The following POU6F2 variants were observed in gnomAD, a reference collection of about 807,000 sequenced individuals.
POU6F2 encodes POU domain, class 6, transcription factor 2.
In POU6F2, 31 loss-of-function variants were observed where a neutral mutation model predicts 71.3. The observed-to-expected ratio is 0.43, with a 90% CI of 0.33 to 0.59. The LOEUF (loss-of-function observed/expected upper bound fraction) is 0.59, where lower values mean the gene tolerates loss of function less well. Among genes scored for constraint, POU6F2 ranks in the 20% least tolerant of loss-of-function variants. The pLI is 0.04. For missense variants in POU6F2, 783 were observed against 856.8 expected, an observed-to-expected ratio of 0.91 and a Z score of 1.07; for synonymous variants, 347 against 355.7, an observed-to-expected ratio of 0.98 and a Z score of 0.27.
At chr7:39,401,590 C>G (rs1195124516) in intron 5 of POU6F2, among the ~76,000 whole-genome samples, 4 of 152,088 alleles carry the variant, frequency 2.6e-5, no homozygotes, top group African/African-American at 9.7e-5. Flanking sequence ...CCCAAGGAAC[C>G]AAGAGACACT....
At chr7:39,029,649 G>C (rs2128708808) in intron 1 of POU6F2, among the ~76,000 whole-genome samples, 1 of 151,196 alleles carries the variant, frequency 6.6e-6, no homozygotes, top group East Asian at 2.0e-4. Context: ...TAAAAAGAAA[G>C]AACAATTATG....
rs1444464689 is a variant in POU6F2 at position 39,468,091 on chromosome 7, G to A, written c.*3405G>A. 6.6e-6 allele frequency: 1 copy of A among 151,940 alleles called. No individual in the cohort carries two copies. The highest frequency in any genetic ancestry group is 1.5e-5 in the Non-Finnish European group (1 of 68,004). 9.4% of individuals were successfully genotyped at this position (151,940 alleles called of 1,614,324 possible). On this transcript the variant is annotated 3_prime_UTR_variant, in exon 10 of 10. Coordinates refer to ENST00000518318, the MANE Select transcript of POU6F2 (RefSeq NM_001370959.1). ...ATTTCAATGTTTGACTGTAAAATCTGTTTGGATAACATTTTGTAATGAGCT... is the reference window on the plus strand; with the variant it reads ...ATTTCAATGTTTGACTGTAAAATCTATTTGGATAACATTTTGTAATGAGCT...
intron 4 of POU6F2, among the ~76,000 whole-genome samples, chr7:39,230,218 G>A (rs1036753349): frequency 6.6e-6 from 1 of 152,166 alleles, no homozygotes; most frequent in Non-Finnish European, 1.5e-5. Flanking sequence ...GGTGGCTCAT[G>A]CCTGTAATCC....
In POU6F2 at chr7:39,015,843, T is replaced by TAGA. The variant is rs1315044289; in HGVS notation, c.105+37785_105+37786insAGA. 8.3e-5 allele frequency among the ~76,000 whole-genome samples: 5 copies of TAGA among 60,096 alleles called. No homozygotes were observed. The East Asian group carries it at 1.4e-3, about 17-fold the overall frequency. 39.4% of individuals were successfully genotyped at this position (60,096 alleles called of 152,430 possible). A position where few individuals can be genotyped will look rare whatever the true frequency, so the allele number is the denominator to read the frequency against. On this transcript the variant is annotated intron_variant, in intron 1 of 9. Transcript: ENST00000518318. ...ATATTATATATAGATATATAATATA[T>TAGA]TATATATAGATATATATAATATATT...
Position 39,465,432 on chromosome 7 carries a change from G to A in POU6F2, c.*746G>A, listed in dbSNP as rs1789048692. 1.3e-5 allele frequency: 2 copies of A among 152,084 alleles called. No homozygotes were observed. The highest frequency in any genetic ancestry group is 4.2e-4 in the South Asian group (2 of 4,818). The allele number at this position is 152,084 out of a possible 1,614,324, so 9.4% of individuals were successfully genotyped here. On this transcript the variant is annotated 3_prime_UTR_variant, in exon 10 of 10. Transcript: ENST00000518318. ...TTTTTGTGGGGGTGGTAGGGAGGGT[G>A]GTCTTTTTTCTTTGTCTTTCTTTTT...
intron 1 of POU6F2, among the ~76,000 whole-genome samples, chr7:38,989,383 C>G (rs545455312): frequency 6.6e-6 from 1 of 151,804 alleles, no homozygotes; most frequent in African/African-American, 2.4e-5. Flanking sequence ...TAAAACTATT[C>G]TTTTATTAAA....
At chr7:39,165,712 T>C (rs1793100454) in intron 2 of POU6F2, among the ~76,000 whole-genome samples, 1 of 152,184 alleles carries the variant, frequency 6.6e-6, no homozygotes. Flanking sequence ...AGTCAAGCTC[T>C]TGATGGAGGA....
chr7:39,153,339 T>C (rs961980898), intron 2 of POU6F2, among the ~76,000 whole-genome samples: 1 of 152,306 alleles, frequency 6.6e-6, no homozygotes, highest in East Asian at 1.9e-4. Context: ...CAAGCTGGGA[T>C]TGATGTGACA....
intron 1 of POU6F2, among the ~76,000 whole-genome samples, chr7:39,047,644 CA>C (rs201005665): frequency 1.5e-4 from 22 of 151,536 alleles, no homozygotes; most frequent in African/African-American, 4.1e-4. Flanking sequence ...CATCTGCAAA[CA>C]AAAAAAATTG....
chr7:39,406,643 C>T lies in POU6F2; in HGVS notation c.1016C>T (p.Ala339Val). ...GCAAGTCAGGCTGCAGCGGCTGCAG[C>T]AGCCATGAGCTCCATAGCAAGCTCA... Reference protein sequence around the residue: ...PLASQAAAAAAAMSSIASSQA... With the variant: ...PLASQAAAAAVAMSSIASSQA... The change falls in exon 6 of 10, where the codon GCA becomes GTA. Residue 339 changes from alanine to valine, a missense_variant. By Grantham distance (64) the Ala-to-Val change is moderately conservative (BLOSUM62 0). This residue lies in a region of POU6F2 where 572 missense variants were observed against 572.9 expected (regional missense o/e 1.00). Transcript: ENST00000518318. 6.2e-7 allele frequency: 1 copy of T among 1,613,782 alleles called. No homozygotes were observed. Among genetic ancestry groups the T allele is most frequent in the Non-Finnish European group, 8.5e-7 (1 of 1,179,866 alleles).
chr7:39,361,174 T>C (rs1304699013), intron 5 of POU6F2, among the ~76,000 whole-genome samples: 1 of 152,248 alleles, frequency 6.6e-6, no homozygotes, highest in Non-Finnish European at 1.5e-5. Flanking sequence ...TTGATTTCTC[T>C]TATAAATCAA....
chr7:39,431,529 CA>C (rs1377514267), intron 6 of POU6F2, among the ~76,000 whole-genome samples: 2 of 152,216 alleles, frequency 1.3e-5, no homozygotes, highest in African/African-American at 4.8e-5. Flanking sequence ...AGCCCACCAG[CA>C]GCCTTTCATC....
chr7:39,072,817 G>A (rs1790911046), intron 1 of POU6F2, among the ~76,000 whole-genome samples: 1 of 152,214 alleles, frequency 6.6e-6, no homozygotes, highest in Non-Finnish European at 1.5e-5. Context: ...GGAGCGACAT[G>A]TTTATTTATT....
chr7:39,073,350 T>C (rs1242895650), intron 1 of POU6F2, among the ~76,000 whole-genome samples: 1 of 140,942 alleles, frequency 7.1e-6, no homozygotes, highest in African/African-American at 2.7e-5. Flanking sequence ...CTAATACAGA[T>C]AGCTGACGGA....
intron 5 of POU6F2, among the ~76,000 whole-genome samples, chr7:39,354,016 A>T (rs116054448): frequency 3.2e-4 from 48 of 152,078 alleles, no homozygotes; most frequent in African/African-American, 1.1e-3. Flanking sequence ...GCTGATCCGT[A>T]ACACCCGCCC....
chr7:39,023,262 A>G (rs1349120706), intron 1 of POU6F2, among the ~76,000 whole-genome samples: 1 of 152,044 alleles, frequency 6.6e-6, no homozygotes, highest in African/African-American at 2.4e-5. Context: ...TATTGTGGAT[A>G]TTGTTTGCCA....
At chr7:39,283,251 C>A (rs1784593820) in intron 4 of POU6F2, among the ~76,000 whole-genome samples, 1 of 152,046 alleles carries the variant, frequency 6.6e-6, no homozygotes, top group Non-Finnish European at 1.5e-5. Flanking sequence ...TTCTTCCTTT[C>A]CAATTTGAAT....
intron 1 of POU6F2, among the ~76,000 whole-genome samples, chr7:39,000,033 C>A (rs1442607649): frequency 6.6e-6 from 1 of 152,064 alleles, no homozygotes; most frequent in Admixed American, 6.6e-5. Flanking sequence ...CTTCTTGAAA[C>A]CTGGAAAAAA....
intron 5 of POU6F2, among the ~76,000 whole-genome samples, chr7:39,385,931 A>G (rs1002398105): frequency 8.6e-5 from 13 of 151,966 alleles, no homozygotes; most frequent in African/African-American, 3.1e-4. Context: ...TGGTTAACAC[A>G]GTGAAACCTC....
Sources: allele counts gnomAD v4.1 joint callset (sites outside exome capture counted in the v4.1 genomes callset), GRCh38; gene constraint gnomAD v4.1.1; regional missense constraint gnomAD v4.1.1; transcripts MANE v1.5; gene names NCBI Gene and HGNC (gene_info 2026-07-23, HGNC 2026-07-21).